Variants in ZBBX observed in about 807,000 individuals in gnomAD.
ZBBX encodes zinc finger B-box domain containing, also known as zinc finger B-box domain-containing protein 1.
A neutral mutation model predicts 108.5 loss-of-function variants in ZBBX; 101 were observed. The ratio of observed to expected loss-of-function variants is 0.93; its 90% CI spans 0.79 to 1.10. ZBBX has a LOEUF of 1.10. Ranked by LOEUF, ZBBX falls within the 50% of genes least tolerant of loss-of-function variation. The pLI is 0.00. For missense variants in ZBBX, 1,009 were observed against 941.4 expected (o/e 1.07, Z -0.94); for synonymous variants, 356 against 323.4 (o/e 1.10, Z -1.08).
chr3:167,320,713 T>G (rs1736293762), intron 12 of ZBBX, among the ~76,000 whole-genome samples: 1 of 152,022 alleles, frequency 6.6e-6, no homozygotes, highest in South Asian at 2.1e-4. Context: ...TCATCTGTAA[T>G]AAGATATATT....
chr3:167,344,436 G>A (rs1385946308), intron 9 of ZBBX, among the ~76,000 whole-genome samples: 2 of 151,604 alleles, frequency 1.3e-5, no homozygotes, highest in African/African-American at 2.4e-5. Context: ...TTTTTCATTT[G>A]TCTTTTGGCT....
At chr3:167,271,953 A>C (rs902035032) in intron 20 of ZBBX, among the ~76,000 whole-genome samples, 4 of 152,244 alleles carry the variant, frequency 2.6e-5, no homozygotes, top group Non-Finnish European at 5.9e-5. Flanking sequence ...TGACTCAGAC[A>C]ATGGAACCCA....
chr3:167,224,262 T>A, the ZBBX span, among the ~76,000 whole-genome samples: 9 of 151,956 alleles, frequency 5.9e-5, no homozygotes, highest in African/African-American at 2.2e-4. Context: ...TTCCATGTAT[T>A]TTTTTATAAA....
intron 20 of ZBBX, among the ~76,000 whole-genome samples, chr3:167,272,128 A>C (rs1726635588): frequency 6.6e-6 from 1 of 152,172 alleles, no homozygotes; most frequent in Non-Finnish European, 1.5e-5. Context: ...CCATGGACCA[A>C]ATGTCTTCCT....
At chr3:167,258,957 GT>G (rs1723990801) in intron 20 of ZBBX, among the ~76,000 whole-genome samples, 1 of 152,102 alleles carries the variant, frequency 6.6e-6, no homozygotes, top group Non-Finnish European at 1.5e-5. Flanking sequence ...TCCTTTCCTG[GT>G]TTTGGTATTA....
intron 16 of ZBBX, among the ~76,000 whole-genome samples, chr3:167,312,152 G>A (rs1734701063): frequency 1.3e-5 from 2 of 152,044 alleles, no homozygotes; most frequent in African/African-American, 4.8e-5. Context: ...AACCTCAAAT[G>A]CATATTATTA....
At chr3:167,239,626 T>C (rs761079053), downstream of ZBBX, among the ~76,000 whole-genome samples, 1 of 152,124 alleles carries the variant, frequency 6.6e-6, no homozygotes, top group Non-Finnish European at 1.5e-5. Context: ...ATACAAAATA[T>C]GTGTTGACTA....
intron 12 of ZBBX, among the ~76,000 whole-genome samples, chr3:167,318,220 T>G (rs73879663): frequency 0.019 from 2,862 of 152,056 alleles, 89 homozygotes; most frequent in African/African-American, 0.064. Flanking sequence ...AGGGTCACTT[T>G]TTAACCAAGA....
chr3:167,333,760 G>A, intron 10 of ZBBX, 67 bp downstream of exon 10: 1 of 1,337,914 alleles, frequency 7.5e-7, no homozygotes, highest in Non-Finnish European at 1.0e-6. Context: ...CTCAAGTTAA[G>A]TACATGAATG....
At chr3:167,247,622 G>A (rs79287779) in intron 20 of ZBBX, among the ~76,000 whole-genome samples, 2,628 of 152,056 alleles carry the variant, frequency 0.017, 76 homozygotes, top group African/African-American at 0.06. Context: ...CATGCCCACC[G>A]GGGTTTCCAG....
At chr3:167,400,043 CT>C (rs1748372371) in intron 1 of ZBBX, among the ~76,000 whole-genome samples, 1 of 152,134 alleles carries the variant, frequency 6.6e-6, no homozygotes, top group Middle Eastern at 3.2e-3. Context: ...TGATTTCATT[CT>C]TTATGGCCGC....
chr3:167,331,135 T>G (rs1455421205), intron 10 of ZBBX, among the ~76,000 whole-genome samples: 1 of 151,714 alleles, frequency 6.6e-6, no homozygotes. Context: ...AAATTTCTCT[T>G]GTTTAAACCG....
the ZBBX span, among the ~76,000 whole-genome samples, chr3:167,219,931 G>C: frequency 6.6e-6 from 1 of 151,844 alleles, no homozygotes; most frequent in Admixed American, 6.6e-5. Flanking sequence ...AGCCGATACT[G>C]CAGAAATTCC....
chr3:167,394,782 A>G lies in ZBBX; in HGVS notation c.-446+12944T>C, dbSNP rs534792173. Among the ~76,000 whole-genome samples, 141 of 152,158 alleles carry G rather than the reference A, an allele frequency of 9.3e-4. 1 individual carries two copies. Among genetic ancestry groups the G allele is most frequent in the Middle Eastern group, 3.4e-3 (1 of 294 alleles). ...TAATCTCTCTCTAGCAGTATTTCTGACTTAAGTGCTCATAAATATCAAGGG... is the reference window on the plus strand; with the variant it reads ...TAATCTCTCTCTAGCAGTATTTCTGGCTTAAGTGCTCATAAATATCAAGGG... On this transcript the variant is annotated intron_variant, in intron 1 of 21. Coordinates refer to the ZBBX transcript ENST00000455345.
At chr3:167,397,806 T>TC in intron 1 of ZBBX, among the ~76,000 whole-genome samples, 1 of 112,576 alleles carries the variant, frequency 8.9e-6, no homozygotes, top group Non-Finnish European at 1.9e-5. Flanking sequence ...TTTGGAGAAA[T>TC]AAAAAAAAAA....
chr3:167,342,145 C>T (rs1740642468), intron 9 of ZBBX, among the ~76,000 whole-genome samples: 1 of 151,738 alleles, frequency 6.6e-6, no homozygotes, highest in South Asian at 2.1e-4. Flanking sequence ...TATAGTATTG[C>T]TGTTATATGA....
chr3:167,333,925 T>G lies in ZBBX; in HGVS notation c.589A>C (p.Asn197His). The change falls in exon 10 of 22, where the codon AAT becomes CAT. Residue 197 changes from asparagine (N) to histidine (H), a missense_variant. Asn to His is a moderately conservative substitution (Grantham distance 68). Coordinates refer to ENST00000675490, the MANE Select transcript of ZBBX (RefSeq NM_001199201.2). ...TTCTCCTCTTTGGGTTCATCTGGAT[T>G]AACATCCTTTATAAACTGATGGGCA... ...DVAHQFIKDV[N>H]PDEPKEENNS... 1 of 1,611,898 alleles carries G rather than the reference T, an allele frequency of 6.2e-7. No homozygotes were observed.
upstream of ZBBX, among the ~76,000 whole-genome samples, chr3:167,382,674 A>G (rs764294396): frequency 6.6e-6 from 1 of 152,150 alleles, no homozygotes; most frequent in Non-Finnish European, 1.5e-5. Context: ...CAAAAACAGC[A>G]TGTCTTTTCA....
intron 20 of ZBBX, among the ~76,000 whole-genome samples, chr3:167,264,577 T>C (rs1008832740): frequency 6.6e-6 from 1 of 152,228 alleles, no homozygotes; most frequent in African/African-American, 2.4e-5. Context: ...TGTCTGTGTC[T>C]TGAAAAGTTG....
Sources: gnomAD v4.1 joint callset for allele counts (sites outside exome capture counted in the v4.1 genomes callset) on GRCh38, gnomAD v4.1.1 for gene constraint, MANE v1.5 for transcripts, NCBI Gene and HGNC (gene_info 2026-07-23, HGNC 2026-07-21) for gene names.